Variants in ABLIM1 observed in about 807,000 individuals in gnomAD.
ABLIM1 encodes the protein actin-binding LIM protein 1.
Under a neutral mutation model 107.0 loss-of-function variants are expected in ABLIM1, and 40 were observed. The observed-to-expected ratio is 0.37, with a 90% CI of 0.29 to 0.49. The LOEUF (loss-of-function observed/expected upper bound fraction) is 0.49. Ranked by LOEUF, ABLIM1 falls within the 20% of genes least tolerant of loss-of-function variation. ABLIM1 has a pLI of 0.97. For synonymous variants in ABLIM1, 357 were observed against 357.3 expected (o/e 1.00, Z 0.01); for missense variants, 857 against 1,008.5 (o/e 0.85, Z 2.04).
intron 6 of ABLIM1, chr10:114,526,847 G>T: frequency 2.0e-6 from 2 of 985,412 alleles, no homozygotes; most frequent in Non-Finnish European, 2.4e-6. Flanking sequence ...CTAAGGCAAC[G>T]TGCATCCCTC....
chr10:114,577,100 C>T (rs1259282823), intron 2 of ABLIM1, among the ~76,000 whole-genome samples: 1 of 152,144 alleles, frequency 6.6e-6, no homozygotes, highest in Admixed American at 6.5e-5. Context: ...GTCACAGAAC[C>T]TTAGAGTGTT....
intron 4 of ABLIM1, among the ~76,000 whole-genome samples, chr10:114,559,760 T>A (rs917144402): frequency 6.6e-6 from 1 of 152,226 alleles, no homozygotes; most frequent in Non-Finnish European, 1.5e-5. Context: ...TGGCTGAAGC[T>A]TGAAGGCTGT....
At chr10:114,722,601 C>T (rs541343746) in intron 1 of ABLIM1, among the ~76,000 whole-genome samples, 2 of 152,338 alleles carry the variant, frequency 1.3e-5, no homozygotes, top group Non-Finnish European at 2.9e-5. Context: ...CACACACAAA[C>T]ACACATAAAT....
intron 1 of ABLIM1, among the ~76,000 whole-genome samples, chr10:114,702,692 A>T (rs1338331276): frequency 6.6e-6 from 1 of 151,870 alleles, no homozygotes; most frequent in Non-Finnish European, 1.5e-5. Flanking sequence ...ACGCCCGGCT[A>T]ATTTTTTGTA....
chr10:114,708,093 G>A (rs1166025914), intron 1 of ABLIM1, among the ~76,000 whole-genome samples: 1 of 152,136 alleles, frequency 6.6e-6, no homozygotes, highest in Non-Finnish European at 1.5e-5. Flanking sequence ...GGAAAACCTT[G>A]TTAAAACCAA....
chr10:114,698,100 A>C (rs1200845010), intron 1 of ABLIM1, among the ~76,000 whole-genome samples: 1 of 152,170 alleles, frequency 6.6e-6, no homozygotes, highest in African/African-American at 2.4e-5. Context: ...TAAGGAAAAC[A>C]AAAGCACAAA....
intron 6 of ABLIM1, among the ~76,000 whole-genome samples, chr10:114,512,778 T>A (rs1348679059): frequency 3.4e-5 from 5 of 148,046 alleles, no homozygotes; most frequent in Non-Finnish European, 7.4e-5. Flanking sequence ...TGAGCCGAGA[T>A]CGTGCCACTG....
intron 6 of ABLIM1, among the ~76,000 whole-genome samples, chr10:114,528,441 C>T (rs568646258): frequency 2.6e-5 from 4 of 152,232 alleles, no homozygotes; most frequent in African/African-American, 7.2e-5. Flanking sequence ...GTTTTAGCAA[C>T]AAAGCCGTGC....
chr10:114,732,939 C>A (rs1432967776), intron 1 of ABLIM1, among the ~76,000 whole-genome samples: 4 of 152,258 alleles, frequency 2.6e-5, no homozygotes, highest in Non-Finnish European at 4.4e-5. Flanking sequence ...GTGATATAAA[C>A]CTCATTTAAT....
At chr10:114,740,067 C>A (rs1417973753) in intron 1 of ABLIM1, among the ~76,000 whole-genome samples, 1 of 151,944 alleles carries the variant, frequency 6.6e-6, no homozygotes, top group East Asian at 1.9e-4. Flanking sequence ...ATACAATGTG[C>A]AATTATAAGA....
chr10:114,663,337 T>G (rs1217914789), intron 1 of ABLIM1, among the ~76,000 whole-genome samples: 2 of 152,220 alleles, frequency 1.3e-5, no homozygotes, highest in Admixed American at 6.5e-5. Context: ...ATCTATAGAC[T>G]GTCTTATTTC....
chr10:114,618,028 C>T (rs1390752783), intron 1 of ABLIM1, among the ~76,000 whole-genome samples: 3 of 152,146 alleles, frequency 2.0e-5, no homozygotes, highest in African/African-American at 4.8e-5. Flanking sequence ...CCCCACTCCT[C>T]CCAACCCCTA....
chr10:114,655,986 T>A (rs1041051942), intron 1 of ABLIM1, among the ~76,000 whole-genome samples: 1 of 152,090 alleles, frequency 6.6e-6, no homozygotes, highest in Non-Finnish European at 1.5e-5. Context: ...AAAAGTCAGA[T>A]AAGGCCGGGC....
intron 6 of ABLIM1, among the ~76,000 whole-genome samples, chr10:114,503,373 C>T (rs530501999): frequency 1.3e-5 from 2 of 152,138 alleles, no homozygotes; most frequent in East Asian, 1.9e-4. Flanking sequence ...ATTGCTTGAG[C>T]CTGGGAGGTC....
At chr10:114,481,174 C>T (rs1025603156) in intron 8 of ABLIM1, among the ~76,000 whole-genome samples, 7 of 151,984 alleles carry the variant, frequency 4.6e-5, no homozygotes, top group African/African-American at 1.2e-4. Context: ...AGAGCTCTGC[C>T]GGTTGAGTAA....
intron 1 of ABLIM1, among the ~76,000 whole-genome samples, chr10:114,714,498 A>G (rs113927921): frequency 0.026 from 4,014 of 152,240 alleles, 60 homozygotes; most frequent in Middle Eastern, 0.092. Flanking sequence ...AGATTTGGGA[A>G]CTCTGGGCAT....
chr10:114,490,279 G>A (rs1273003163), intron 7 of ABLIM1, among the ~76,000 whole-genome samples: 1 of 152,208 alleles, frequency 6.6e-6, no homozygotes, highest in Non-Finnish European at 1.5e-5. Context: ...ATTCCGTGAT[G>A]TTTTTAATCA....
intron 6 of ABLIM1, among the ~76,000 whole-genome samples, chr10:114,526,160 GA>G (rs149310794): frequency 1.1e-4 from 17 of 151,232 alleles, no homozygotes; most frequent in Non-Finnish European, 1.6e-4. Flanking sequence ...ATTTCTTAAA[GA>G]AAAAAAAATC....
At chr10:114,596,448 C>T (rs2075422029) in intron 2 of ABLIM1, among the ~76,000 whole-genome samples, 1 of 152,150 alleles carries the variant, frequency 6.6e-6, no homozygotes, top group Non-Finnish European at 1.5e-5. Flanking sequence ...TGCCTGTATT[C>T]CCATCTACTC....
Sources: allele counts gnomAD v4.1 joint callset (sites outside exome capture counted in the v4.1 genomes callset), GRCh38; gene constraint gnomAD v4.1.1; transcripts MANE v1.5; gene names NCBI Gene and HGNC (gene_info 2026-07-23, HGNC 2026-07-21).